Variants in CYLC2 observed in about 807,000 individuals in gnomAD.
CYLC2 encodes cylicin 2.
Under a neutral mutation model 26.1 loss-of-function variants are expected in CYLC2, and 30 were observed. The ratio of observed to expected loss-of-function variants is 1.15; its 90% CI spans 0.86 to 1.56. The LOEUF (loss-of-function observed/expected upper bound fraction) is 1.56. Ranked by LOEUF, CYLC2 falls within the 40% of genes most tolerant of loss-of-function variation. The pLI, the probability that CYLC2 is intolerant of heterozygous loss-of-function variation, is 0.00. For missense variants in CYLC2, 498 were observed against 394.4 expected, an observed-to-expected ratio of 1.26 and a Z score of -2.23; for synonymous variants, 158 against 132.8, an observed-to-expected ratio of 1.19 and a Z score of -1.31.
intron 6 of CYLC2, among the ~76,000 whole-genome samples, chr9:103,015,238 T>G (rs1177411696): frequency 8.1e-6 from 1 of 122,994 alleles, no homozygotes; most frequent in Non-Finnish European, 1.6e-5. Context: ...TATTTATATA[T>G]AATCTGATAT....
intron 5 of CYLC2, chr9:103,010,703 C>A (rs1200090895): frequency 6.6e-6 from 1 of 151,998 alleles, no homozygotes; most frequent in Non-Finnish European, 1.5e-5. Flanking sequence ...GTTTAAAGAT[C>A]TACTACAGAA....
chr9:103,014,465 T>TAATATACATAATATGTATATTACGC lies in CYLC2; in HGVS notation c.*816+2390_*816+2391insCGCAATATACATAATATGTATATTA, dbSNP rs1564101164. On this transcript the variant is annotated intron_variant, in intron 6 of 7. Coordinates refer to ENST00000374798, the MANE Select transcript of CYLC2 (RefSeq NM_001340.5). ...CATAATATACATAATGTATATTACGTAATATACATAATATGTATATTATGC... is the reference window on the plus strand; with the variant it reads ...CATAATATACATAATGTATATTACGTAATATACATAATATGTATATTACGCAATATACATAATATGTATATTATGC... Among the ~76,000 whole-genome samples, 85 of 136,270 alleles carry TAATATACATAATATGTATATTACGC rather than the reference T, an allele frequency of 6.2e-4. 1 individual carries two copies. Among genetic ancestry groups the TAATATACATAATATGTATATTACGC allele is most frequent in the African/African-American group, 2.1e-3 (79 of 37,934 alleles). The allele number at this position is 136,270 out of a possible 152,430, so 89.4% of individuals were successfully genotyped here.
At position 103,005,410 on chromosome 9, in the gene CYLC2, CCA is replaced by C; in HGVS notation, c.780_781del (p.Lys261GlufsTer7). On this transcript the variant is annotated frameshift_variant, in exon 5 of 8. Coordinates refer to ENST00000374798, the MANE Select transcript of CYLC2 (RefSeq NM_001340.5). LOFTEE classifies it low-confidence loss of function (END_TRUNC). ...AACAAAGGTGATGAATCGAAGGATG[CCA>C]AGAAAGATGCAAAGGAGATTAAAAA... 6.2e-7 allele frequency: 1 copy of C among 1,613,358 alleles called. No homozygotes were observed. The highest frequency in any genetic ancestry group is 2.2e-5 in the East Asian group (1 of 44,822).
chr9:103,014,263 T>C (rs1405304642), intron 6 of CYLC2, among the ~76,000 whole-genome samples: 11 of 128,462 alleles, frequency 8.6e-5, no homozygotes, highest in African/African-American at 3.2e-4. Flanking sequence ...ACATAATATA[T>C]TACATTAAAT....
At chr9:102,999,377 T>TA (rs894549703) in intron 1 of CYLC2, among the ~76,000 whole-genome samples, 2 of 151,854 alleles carry the variant, frequency 1.3e-5, no homozygotes, top group Non-Finnish European at 3.0e-5. Context: ...TAACAGTTAT[T>TA]ATTATAGATG....
chr9:103,016,875 T>C lies in CYLC2; in HGVS notation c.*817-13T>C, dbSNP rs1829511838. The stretch of plus-strand genomic sequence containing the variant: ...TTCATCTACATAAGAGATAAACTTT[T>C]TGTTTTTGAAAGGGAAGGAAAATAG... On this transcript the variant is annotated splice_polypyrimidine_tract_variant and intron_variant, in intron 6 of 7. Coordinates refer to ENST00000374798, the MANE Select transcript of CYLC2 (RefSeq NM_001340.5). 1 of 151,948 alleles carries C rather than the reference T, an allele frequency of 6.6e-6. No homozygotes were observed. The highest frequency in any genetic ancestry group is 1.5e-5 in the Non-Finnish European group (1 of 67,958). 9.4% of individuals were successfully genotyped at this position (151,948 alleles called of 1,614,324 possible). A position where few individuals can be genotyped will look rare whatever the true frequency, so the allele number is the denominator to read the frequency against.
chr9:103,008,286 T>C (rs902456190), intron 5 of CYLC2, among the ~76,000 whole-genome samples: 17 of 152,074 alleles, frequency 1.1e-4, no homozygotes, highest in African/African-American at 4.1e-4. Context: ...CATCACTAAA[T>C]TTTCTTGTAG....
intron 5 of CYLC2, among the ~76,000 whole-genome samples, chr9:103,011,277 A>AT (rs1829404006): frequency 6.6e-6 from 1 of 152,180 alleles, no homozygotes; most frequent in South Asian, 2.1e-4. Flanking sequence ...CTGTTTGAAG[A>AT]TTTTTTACCC....
chr9:103,003,991 T>C (rs1456721656), intron 3 of CYLC2, among the ~76,000 whole-genome samples: 1 of 152,148 alleles, frequency 6.6e-6, no homozygotes, highest in Non-Finnish European at 1.5e-5. Context: ...ATGTAACCCA[T>C]TAGTAGTGAA....
intron 5 of CYLC2, among the ~76,000 whole-genome samples, chr9:103,007,956 C>CG (rs1829368650): frequency 6.6e-6 from 1 of 151,788 alleles, no homozygotes; most frequent in Non-Finnish European, 1.5e-5. Context: ...GGTGATCACA[C>CG]GTTGTTAGCC....
chr9:103,016,501 T>C lies in CYLC2; in HGVS notation c.*817-387T>C, dbSNP rs114405941. Among the ~76,000 whole-genome samples the C allele has an allele frequency of 3.3e-3, 503 of 152,172 alleles. 5 individuals carry two copies. Among genetic ancestry groups the C allele is most frequent in the African/African-American group, 0.012 (489 of 41,560 alleles). Reference sequence around the variant, plus strand: ...CATATGTGTGTCCACAAGCCATTTATCCCATCGGTGTTCTATTTTCTGCTA... The same window carrying C: ...CATATGTGTGTCCACAAGCCATTTACCCCATCGGTGTTCTATTTTCTGCTA... On this transcript the variant is annotated intron_variant, in intron 6 of 7. Transcript: ENST00000374798.
In CYLC2 at chr9:103,005,636, A is replaced by G. The variant is rs1193605397; in HGVS notation, c.1005A>G (p.Ala335=). The change falls in exon 5 of 8, where the codon GCA becomes GCG. Residue 335 remains alanine (A), a synonymous_variant. Transcript: ENST00000374798. ...CAAAGAAGGATGCAAAGAAGAATGC[A>G]AAGAAGGATGAAAAGAAGGATGCAA... ...KDAKKDAKKN[A]KKDEKKDAKK... The G allele has an allele frequency of 1.2e-6, 2 of 1,612,598 alleles. No homozygotes were observed. Among genetic ancestry groups the G allele is most frequent in the African/African-American group, 1.3e-5 (1 of 74,726 alleles).
chr9:103,010,339 T>G (rs1025780182), intron 5 of CYLC2, among the ~76,000 whole-genome samples: 9 of 152,136 alleles, frequency 5.9e-5, no homozygotes, highest in African/African-American at 2.2e-4. Context: ...CACAAAATCT[T>G]TTTTAAGTTA....
At position 103,004,740 on chromosome 9, in the gene CYLC2, T is replaced by C. The variant is rs766100136; in HGVS notation, c.226T>C (p.Trp76Arg). 1.9e-6 allele frequency: 3 copies of C among 1,608,076 alleles called. No individual in the cohort carries two copies. Among genetic ancestry groups the C allele is most frequent in the Middle Eastern group, 3.3e-4 (2 of 6,048 alleles). The change falls in exon 4 of 8, where the codon TGG becomes CGG. Residue 76 changes from tryptophan to arginine, a missense_variant. Physicochemically the swap from Trp to Arg is moderately radical, Grantham distance 101 (BLOSUM62 -3). Transcript: ENST00000374798. ...QLRGDRRQPL[W>R]MYRSLMRISE... ...AAGAGGAGATCGTAGACAACCATTA[T>C]GGATGTACCGTTCTTTAATGAGAAT...
chr9:103,014,801 CG>C lies in CYLC2; in HGVS notation c.*817-2086del, dbSNP rs1179936907. Among the ~76,000 whole-genome samples the C allele has an allele frequency of 3.0e-4, 21 of 69,352 alleles. No homozygotes were observed. In the South Asian group the frequency reaches 0.014, roughly 46 times the overall value. 45.5% of individuals were successfully genotyped at this position (69,352 alleles called of 152,430 possible). A position where few individuals can be genotyped will look rare whatever the true frequency, so the allele number is the denominator to read the frequency against. ...TTATGCAATATACATATGTAATATA[CG>C]TATGTATATTATGCAATATACATAT... On this transcript the variant is annotated intron_variant, in intron 6 of 7. Coordinates refer to ENST00000374798, the MANE Select transcript of CYLC2 (RefSeq NM_001340.5).
intron 5 of CYLC2, among the ~76,000 whole-genome samples, chr9:103,008,257 A>G (rs1443704821): frequency 2.0e-5 from 3 of 152,068 alleles, no homozygotes; most frequent in Non-Finnish European, 4.4e-5. Context: ...TCTACCTTTA[A>G]TATCCTACTG....
At chr9:103,010,599 C>T (rs1489269203) in intron 5 of CYLC2, 1 of 152,054 alleles carries the variant, frequency 6.6e-6, no homozygotes, top group Non-Finnish European at 1.5e-5. Flanking sequence ...GAGAATTTTT[C>T]TTTAGCACCA....
chr9:103,014,185 ATAATATATAATATGAATATTATATAT>A (rs1829458998), intron 6 of CYLC2, among the ~76,000 whole-genome samples: 1 of 121,426 alleles, frequency 8.2e-6, no homozygotes, highest in African/African-American at 3.3e-5. Flanking sequence ...TATCTCATAT[ATAATATATAATATGAATATTATATAT>A]CTCATATATA....
At chr9:103,017,411 G>C (rs371510831) in intron 7 of CYLC2, among the ~76,000 whole-genome samples, 2 of 151,918 alleles carry the variant, frequency 1.3e-5, no homozygotes, top group African/African-American at 4.8e-5. Context: ...ATTTCATAAA[G>C]GGCTCTCTAA....
Sources: allele counts gnomAD v4.1 joint callset (sites outside exome capture counted in the v4.1 genomes callset), GRCh38; gene constraint gnomAD v4.1.1; transcripts MANE v1.5; gene names NCBI Gene and HGNC (gene_info 2026-07-23, HGNC 2026-07-21).